Variants in CUBN observed in about 807,000 individuals in gnomAD.
CUBN encodes the protein cubilin.
Under a neutral mutation model 405.3 loss-of-function variants are expected in CUBN, and 282 were observed. The observed-to-expected ratio is 0.70, with a 90% CI of 0.63 to 0.77. The LOEUF (loss-of-function observed/expected upper bound fraction) is 0.77. Ranked by LOEUF, CUBN falls within the 30% of genes least tolerant of loss-of-function variation. CUBN has a pLI of 0.00. For missense variants in CUBN, 4,514 were observed against 4,475.2 expected (o/e 1.01, Z -0.25); for synonymous variants, 1,684 against 1,617.0 (o/e 1.04, Z -0.99).
chr10:16,983,830 G>T (rs1833345770), intron 30 of CUBN, among the ~76,000 whole-genome samples: 1 of 152,204 alleles, frequency 6.6e-6, no homozygotes, highest in Non-Finnish European at 1.5e-5. Flanking sequence ...TAAGAGGTAC[G>T]AGCCCTTGGA....
intron 59 of CUBN, among the ~76,000 whole-genome samples, chr10:16,864,700 C>T (rs539804189): frequency 1.0e-3 from 144 of 138,492 alleles, no homozygotes; most frequent in African/African-American, 3.9e-3. Flanking sequence ...GCTCTTGTTC[C>T]TCAGGCTGGG....
At position 17,043,865 on chromosome 10, in the gene CUBN, C is replaced by T. The variant is rs1468907744; in HGVS notation, c.3791G>A (p.Gly1264Asp). Residue 1264 changes from glycine (G) to aspartate (D), a missense_variant, in exon 26 of 67, where the codon GGT (glycine) becomes GAT (aspartate). Physicochemically the swap from Gly to Asp is moderately conservative, Grantham distance 94. Coordinates refer to ENST00000377833, the MANE Select transcript of CUBN (RefSeq NM_001081.4). ...AGCCTTGAAGCCACGTCCTTGCTGACCTTCATCTGTCCTCAGTTTTATAAA... is the reference window on the plus strand; with the variant it reads ...AGCCTTGAAGCCACGTCCTTGCTGATCTTCATCTGTCCTCAGTTTTATAAA... ...SMFIKLRTDE[G>D]QQGRGFKAEY... is the part of the protein sequence containing the mutation. 1 of 1,613,618 alleles carries T rather than the reference C, an allele frequency of 6.2e-7. No individual in the cohort carries two copies. The highest frequency in any genetic ancestry group is 8.5e-7 in the Non-Finnish European group (1 of 1,179,692).
At position 17,056,453 on chromosome 10, in the gene CUBN, C is replaced by CA. The variant is rs1450002638; in HGVS notation, c.3140-8851dup. On this transcript the variant is annotated intron_variant, in intron 22 of 66. Coordinates refer to ENST00000377833, the MANE Select transcript of CUBN (RefSeq NM_001081.4). ...GTGAAACCCGTCTCTACTAAAAATA[C>CA]AAAAAATTACCTGGGCATGGTGGCG... is the stretch of plus-strand genomic sequence containing the variant. 4.0e-5 allele frequency among the ~76,000 whole-genome samples: 6 copies of CA among 151,798 alleles called. 1 individual carries two copies. Among genetic ancestry groups the CA allele is most frequent in the Non-Finnish European group, 8.8e-5 (6 of 67,888 alleles).
intron 6 of CUBN, chr10:17,122,509 C>A: frequency 2.1e-6 from 1 of 472,530 alleles, no homozygotes; most frequent in Non-Finnish European, 4.2e-6. Flanking sequence ...GCTCCTTTTG[C>A]ACCAGGCCAT....
intron 59 of CUBN, among the ~76,000 whole-genome samples, chr10:16,859,547 A>G (rs915255904): frequency 1.3e-5 from 2 of 152,214 alleles, no homozygotes; most frequent in Non-Finnish European, 2.9e-5. Context: ...TCAAAATAAT[A>G]CAAGCCAGAG....
At position 16,947,259 on chromosome 10, in the gene CUBN, C is replaced by T. The variant is rs776483762; in HGVS notation, c.5318G>A (p.Gly1773Asp). 1.1e-5 allele frequency: 18 copies of T among 1,614,130 alleles called. No homozygotes were observed. Among genetic ancestry groups the T allele is most frequent in the Non-Finnish European group, 1.5e-5 (18 of 1,180,000 alleles). The change falls in exon 36 of 67, where the codon GGC becomes GAC. Residue 1773 changes from glycine to aspartate, a missense_variant. Gly to Asp is a moderately conservative substitution (Grantham distance 94). Transcript: ENST00000377833. ...CATAAAAGACAGCTGGAGCCGGTTG[C>T]CAGGGGAACTGACGATGTTCCAGAC... ...ECVWNIVSSP[G>D]NRLQLSFISF...
At chr10:17,001,181 T>C (rs867027056) in intron 28 of CUBN, among the ~76,000 whole-genome samples, 2 of 152,126 alleles carry the variant, frequency 1.3e-5, no homozygotes, top group Admixed American at 6.5e-5. Flanking sequence ...GTGGAGACCT[T>C]TGGAGTGAGT....
At chr10:16,891,210 T>C (rs1384922987) in intron 54 of CUBN, among the ~76,000 whole-genome samples, 2 of 152,044 alleles carry the variant, frequency 1.3e-5, no homozygotes, top group East Asian at 3.9e-4. Context: ...TGCTAGGAAA[T>C]AAACGGTGAG....
At chr10:16,943,046 T>G (rs200728439) in intron 36 of CUBN, among the ~76,000 whole-genome samples, 1 of 152,204 alleles carries the variant, frequency 6.6e-6, no homozygotes, top group Non-Finnish European at 1.5e-5. Flanking sequence ...TGGAGGAGAA[T>G]AGTTAGAGAT....
At chr10:16,938,467 C>A (rs1040609203) in intron 38 of CUBN, among the ~76,000 whole-genome samples, 2 of 152,162 alleles carry the variant, frequency 1.3e-5, no homozygotes, top group African/African-American at 4.8e-5. Context: ...GGGCACCCAT[C>A]AGGCACTGGG....
chr10:17,016,144 T>C (rs1179139102), intron 28 of CUBN, among the ~76,000 whole-genome samples: 8 of 151,814 alleles, frequency 5.3e-5, no homozygotes, highest in African/African-American at 1.9e-4. Context: ...GGGGAGTATA[T>C]TTTCTTAAGG....
intron 23 of CUBN, among the ~76,000 whole-genome samples, chr10:17,047,130 T>C (rs1018611620): frequency 3.3e-5 from 5 of 152,208 alleles, no homozygotes; most frequent in African/African-American, 1.2e-4. Context: ...GTTACATCAT[T>C]TCAGAGTAGT....
chr10:17,060,424 A>G (rs1227378332), intron 22 of CUBN, among the ~76,000 whole-genome samples: 1 of 152,156 alleles, frequency 6.6e-6, no homozygotes, highest in Non-Finnish European at 1.5e-5. Context: ...CCTGGCCACA[A>G]TCCCTGGTTT....
At chr10:16,981,310 T>G (rs1243475802) in intron 31 of CUBN, among the ~76,000 whole-genome samples, 1 of 151,980 alleles carries the variant, frequency 6.6e-6, no homozygotes, top group African/African-American at 2.4e-5. Context: ...GCAACCCACT[T>G]CCTCCAACCT....
At chr10:16,929,618 C>T (rs978487826) in intron 40 of CUBN, among the ~76,000 whole-genome samples, 1 of 152,088 alleles carries the variant, frequency 6.6e-6, no homozygotes, top group African/African-American at 2.4e-5. Flanking sequence ...ATACAAAATG[C>T]TCAAAATGGC....
At chr10:16,931,361 C>A (rs1370067321) in intron 40 of CUBN, among the ~76,000 whole-genome samples, 1 of 151,964 alleles carries the variant, frequency 6.6e-6, no homozygotes, top group Non-Finnish European at 1.5e-5. Flanking sequence ...CACTCAATAA[C>A]TATTTCTTGA....
At chr10:16,958,297 G>C (rs1047228913) in intron 31 of CUBN, among the ~76,000 whole-genome samples, 22 of 152,034 alleles carry the variant, frequency 1.4e-4, no homozygotes, top group Non-Finnish European at 2.6e-4. Context: ...ACAAGGAATG[G>C]ATCAAAAATA....
intron 17 of CUBN, among the ~76,000 whole-genome samples, chr10:17,077,180 C>T (rs910868030): frequency 6.6e-6 from 1 of 152,070 alleles, no homozygotes; most frequent in African/African-American, 2.4e-5. Flanking sequence ...TTGTGGATTG[C>T]CTTATTCGTC....
intron 56 of CUBN, among the ~76,000 whole-genome samples, chr10:16,882,320 T>C (rs2131386054): frequency 6.6e-6 from 1 of 152,342 alleles, no homozygotes; most frequent in East Asian, 1.9e-4. Flanking sequence ...TACTGAAATC[T>C]CTGAGCTGCA....
Sources: gnomAD v4.1 joint callset for allele counts (sites outside exome capture counted in the v4.1 genomes callset) on GRCh38, gnomAD v4.1.1 for gene constraint, MANE v1.5 for transcripts, NCBI Gene and HGNC (gene_info 2026-07-23, HGNC 2026-07-21) for gene names.